KIAA0513: variants seen among roughly 807,000 people sequenced by gnomAD.
KIAA0513 encodes KIAA0513.
Under a neutral mutation model 56.5 loss-of-function variants are expected in KIAA0513, and 39 were observed. That is an observed-to-expected ratio of 0.69 (90% confidence interval 0.53 to 0.90). The LOEUF (loss-of-function observed/expected upper bound fraction) is 0.90. Ranked by LOEUF, KIAA0513 falls within the 40% of genes least tolerant of loss-of-function variation. KIAA0513 has a pLI of 0.00. For missense variants in KIAA0513, 591 were observed against 535.2 expected, an observed-to-expected ratio of 1.10 and a Z score of -1.03; for synonymous variants, 268 against 215.6, an observed-to-expected ratio of 1.24 and a Z score of -2.13.
chr16:85,048,278 A>G (rs1482513158), intron 1 of KIAA0513, among the ~76,000 whole-genome samples: 1 of 152,102 alleles, frequency 6.6e-6, no homozygotes, highest in Non-Finnish European at 1.5e-5. Context: ...GGTTGAGACA[A>G]AGGCTTCGAC....
At chr16:85,032,548 G>T (rs2072979336) in intron 1 of KIAA0513, among the ~76,000 whole-genome samples, 1 of 152,134 alleles carries the variant, frequency 6.6e-6, no homozygotes, top group South Asian at 2.1e-4. Flanking sequence ...GGCCAGGCTG[G>T]TCTCAAGTTC....
intron 12 of KIAA0513, among the ~76,000 whole-genome samples, chr16:85,087,442 G>T (rs970576902): frequency 3.9e-5 from 6 of 152,232 alleles, no homozygotes; most frequent in African/African-American, 9.7e-5. Flanking sequence ...AGAGGAAGAA[G>T]GGGGACGCGG....
intron 1 of KIAA0513, among the ~76,000 whole-genome samples, chr16:85,033,053 G>C (rs1298958310): frequency 6.6e-6 from 1 of 152,168 alleles, no homozygotes; most frequent in Non-Finnish European, 1.5e-5. Context: ...CCAGCATCAA[G>C]ATGCAGTGAT....
Position 85,090,709 on chromosome 16 carries a change from C to G in KIAA0513, c.*2384C>G, listed in dbSNP as rs1487366824. The G allele has an allele frequency of 6.6e-6, 1 of 152,272 alleles. No homozygotes were observed. Among genetic ancestry groups the G allele is most frequent in the African/African-American group, 2.4e-5 (1 of 41,460 alleles). The allele number at this position is 152,272 out of a possible 1,614,324, so 9.4% of individuals were successfully genotyped here. ...TGACAGAGAAGGTCTCCTCTGTGCT[C>G]CATCCACACAGGATGCCGGAGAGAC... On this transcript the variant is annotated 3_prime_UTR_variant, in exon 13 of 13. Coordinates refer to ENST00000683363, the MANE Select transcript of KIAA0513 (RefSeq NM_001388359.1).
chr16:85,033,924 T>G (rs2143835627), intron 1 of KIAA0513, among the ~76,000 whole-genome samples: 1 of 152,294 alleles, frequency 6.6e-6, no homozygotes, highest in African/African-American at 2.4e-5. Context: ...ACTGCCCATT[T>G]CTTGTGTCTC....
intron 12 of KIAA0513, 111 bp from the exon 13 acceptor site, chr16:85,088,165 A>T: frequency 1.1e-6 from 1 of 940,828 alleles, no homozygotes; most frequent in Admixed American, 1.8e-5. Flanking sequence ...CAGGAGCTGC[A>T]GCCCTGCTCC....
At chr16:85,040,124 G>A (rs1353110417) in intron 1 of KIAA0513, among the ~76,000 whole-genome samples, 2 of 152,022 alleles carry the variant, frequency 1.3e-5, no homozygotes, top group African/African-American at 2.4e-5. Flanking sequence ...ATGAGCCACC[G>A]TGCCCGGCCA....
chr16:85,071,740 G>C (rs2073577206), intron 2 of KIAA0513, 43 bp from the exon 3 acceptor site: 2 of 1,396,880 alleles, frequency 1.4e-6, no homozygotes, highest in Non-Finnish European at 2.0e-6. Flanking sequence ...GGATTGAAAA[G>C]GGTTTTTTTT....
At chr16:85,073,037 G>A in intron 4 of KIAA0513, 39 bp downstream of exon 4, 1 of 1,554,384 alleles carries the variant, frequency 6.4e-7, no homozygotes, top group Non-Finnish European at 8.9e-7. Context: ...GTCCTGGCAA[G>A]CTCCTCTTCC....
chr16:85,078,586 A>G, intron 7 of KIAA0513, 131 bp downstream of exon 7: 2 of 826,256 alleles, frequency 2.4e-6, no homozygotes, highest in East Asian at 2.7e-5. Context: ...GTGATGCCCC[A>G]GTTGCTTCCC....
intron 1 of KIAA0513, among the ~76,000 whole-genome samples, chr16:85,050,999 G>A (rs948332777): frequency 2.3e-4 from 35 of 152,140 alleles, no homozygotes; most frequent in Non-Finnish European, 4.4e-5. Context: ...CTACAAAAAT[G>A]TGTTAAAAAA....
chr16:85,086,622 C>T (rs758615104), intron 10 of KIAA0513, 22 bp from the exon 11 acceptor site: 2 of 1,610,970 alleles, frequency 1.2e-6, no homozygotes, highest in East Asian at 2.2e-5. Context: ...AGCCCCGCTT[C>T]TGTCACCTCC....
Position 85,067,083 on chromosome 16 carries a change from A to G in KIAA0513, c.12A>G (p.Pro4=), listed in dbSNP as rs568608082. 9 of 1,580,666 alleles carry G rather than the reference A, an allele frequency of 5.7e-6. No homozygotes were observed. The East Asian group carries it at 1.6e-4, about 28-fold the overall frequency. Residue 4 remains proline (P), a synonymous_variant, in exon 2 of 13, where the codon CCA becomes CCG. Coordinates refer to ENST00000683363, the MANE Select transcript of KIAA0513 (RefSeq NM_001388359.1). ...AGCTCCCCTGAGCCATGGAGACCCC[A>G]GAGGTCCCCGTGGGCTCGCTAATCG... is the stretch of plus-strand genomic sequence containing the variant. The part of the protein sequence containing the change: MET[P]EVPVGSLIDF...
intron 4 of KIAA0513, among the ~76,000 whole-genome samples, chr16:85,074,617 A>C (rs566242278): frequency 6.6e-6 from 1 of 152,172 alleles, no homozygotes; most frequent in Non-Finnish European, 1.5e-5. Context: ...AGGATACCCC[A>C]AGTCCAAGAT....
intron 1 of KIAA0513, among the ~76,000 whole-genome samples, chr16:85,055,017 G>A (rs953803300): frequency 2.6e-5 from 4 of 151,434 alleles, no homozygotes; most frequent in African/African-American, 9.7e-5. Context: ...CTGACTCCTG[G>A]ACTCAAGCAG....
At chr16:85,047,341 G>A (rs1050387492) in intron 1 of KIAA0513, among the ~76,000 whole-genome samples, 3 of 152,150 alleles carry the variant, frequency 2.0e-5, no homozygotes, top group Non-Finnish European at 4.4e-5. Context: ...TTGTTTTCCC[G>A]AGAGCTCCTC....
At chr16:85,036,976 T>A (rs906192675) in intron 1 of KIAA0513, among the ~76,000 whole-genome samples, 1 of 152,124 alleles carries the variant, frequency 6.6e-6, no homozygotes, top group Non-Finnish European at 1.5e-5. Flanking sequence ...AACTTTCTCC[T>A]GCCTCTAAAT....
intron 8 of KIAA0513, chr16:85,079,212 A>C: frequency 9.6e-7 from 1 of 1,044,584 alleles, no homozygotes; most frequent in Non-Finnish European, 1.3e-6. Context: ...AGCAATGTAA[A>C]TGAGCAGCCG....
intron 1 of KIAA0513, among the ~76,000 whole-genome samples, chr16:85,048,197 C>T (rs1205350742): frequency 6.6e-6 from 1 of 152,204 alleles, no homozygotes; most frequent in African/African-American, 2.4e-5. Context: ...TCCCCTAACT[C>T]CCTCACCCAT....
Sources: allele counts gnomAD v4.1 joint callset (sites outside exome capture counted in the v4.1 genomes callset), GRCh38; gene constraint gnomAD v4.1.1; transcripts MANE v1.5; gene names NCBI Gene and HGNC (gene_info 2026-07-23, HGNC 2026-07-21).